Variants in MOB1B observed in about 807,000 individuals in gnomAD.
The protein encoded by MOB1B is MOB kinase activator 1B.
In MOB1B, 19 loss-of-function variants were observed where a neutral mutation model predicts 24.4. That is an observed-to-expected ratio of 0.78 (90% CI 0.54 to 1.14). The LOEUF (loss-of-function observed/expected upper bound fraction) is 1.14, where lower values mean the gene tolerates loss of function less well. MOB1B is among the 50% of genes most tolerant of loss of function. MOB1B has a pLI of 0.00. For missense variants in MOB1B, 243 were observed against 259.6 expected (o/e 0.94, Z 0.44); for synonymous variants, 76 against 82.1 (o/e 0.93, Z 0.40).
intron 3 of MOB1B, among the ~76,000 whole-genome samples, chr4:70,970,840 G>C (rs1578399270): frequency 1.3e-5 from 2 of 152,312 alleles, no homozygotes; most frequent in South Asian, 4.1e-4. Context: ...ACCATATGAA[G>C]AGGTAAAAGA....
chr4:70,966,084 T>C (rs1286372579), intron 2 of MOB1B, among the ~76,000 whole-genome samples: 1 of 152,184 alleles, frequency 6.6e-6, no homozygotes, highest in Non-Finnish European at 1.5e-5. Flanking sequence ...TTATGAGTTC[T>C]ACATGAACAT....
intron 1 of MOB1B, among the ~76,000 whole-genome samples, chr4:70,944,181 C>T (rs1233311843): frequency 1.3e-5 from 2 of 152,080 alleles, no homozygotes; most frequent in Non-Finnish European, 2.9e-5. Context: ...ATTATAGGCA[C>T]ATGCCACCAT....
intron 1 of MOB1B, among the ~76,000 whole-genome samples, chr4:70,925,342 T>G (rs1736606291): frequency 6.6e-6 from 1 of 152,196 alleles, no homozygotes; most frequent in African/African-American, 2.4e-5. Context: ...TGGTGAGCTT[T>G]ATTGATTTTA....
rs931289330 is a variant in MOB1B, at chr4:70,902,465, C to T, written c.-72C>T. On this transcript the variant is annotated 5_prime_UTR_variant, in exon 1 of 6. Coordinates refer to ENST00000309395, the MANE Select transcript of MOB1B (RefSeq NM_173468.4). Reference sequence around the variant, plus strand: ...CCTGTCTCCTGTTCCATTCGCCTTTCCTCTTCTTTCCTGGCCCACGCCGCT... The same window carrying T: ...CCTGTCTCCTGTTCCATTCGCCTTTTCTCTTCTTTCCTGGCCCACGCCGCT... The T allele has an allele frequency of 7.9e-6, 12 of 1,515,066 alleles. No homozygotes were observed. The highest frequency in any genetic ancestry group is 2.4e-5 in the South Asian group (2 of 83,456). 93.9% of individuals were successfully genotyped at this position (1,515,066 alleles called of 1,614,324 possible). A position where few individuals can be genotyped will look rare whatever the true frequency, so the allele number is the denominator to read the frequency against.
At chr4:70,953,488 G>A (rs530923218) in intron 1 of MOB1B, among the ~76,000 whole-genome samples, 1 of 152,274 alleles carries the variant, frequency 6.6e-6, no homozygotes, top group African/African-American at 2.4e-5. Flanking sequence ...AATGAGGAAC[G>A]GAGAAGAGAG....
chr4:70,932,090 G>T (rs1736910773), intron 1 of MOB1B, among the ~76,000 whole-genome samples: 1 of 152,112 alleles, frequency 6.6e-6, no homozygotes, highest in African/African-American at 2.4e-5. Context: ...TATAACTCAA[G>T]CCTGTATCTG....
chr4:70,949,031 C>T (rs533809256), intron 1 of MOB1B, among the ~76,000 whole-genome samples: 3 of 152,266 alleles, frequency 2.0e-5, no homozygotes, highest in African/African-American at 2.4e-5. Context: ...GGTCCTCTCC[C>T]GTAGTCTAGA....
At chr4:70,906,848 T>C (rs1231798199) in intron 1 of MOB1B, among the ~76,000 whole-genome samples, 1 of 152,208 alleles carries the variant, frequency 6.6e-6, no homozygotes, top group Non-Finnish European at 1.5e-5. Flanking sequence ...TAGCACCTGC[T>C]GTGTGCCAGG....
intron 1 of MOB1B, among the ~76,000 whole-genome samples, chr4:70,907,159 A>G (rs1208120867): frequency 6.6e-6 from 1 of 152,184 alleles, no homozygotes; most frequent in African/African-American, 2.4e-5. Context: ...GCAGGGGTCT[A>G]TTAGTAACAT....
chr4:70,954,620 T>C (rs938352231), intron 1 of MOB1B, among the ~76,000 whole-genome samples: 1 of 151,598 alleles, frequency 6.6e-6, no homozygotes, highest in African/African-American at 2.4e-5. Flanking sequence ...CATGCCCAGC[T>C]AATTATTACG....
At chr4:70,908,057 G>A (rs1373599333) in intron 1 of MOB1B, among the ~76,000 whole-genome samples, 5 of 148,386 alleles carry the variant, frequency 3.4e-5, no homozygotes, top group African/African-American at 1.2e-4. Flanking sequence ...ATGGAGTCTC[G>A]CTTTTTCGCC....
chr4:70,945,564 A>G (rs1052076099), intron 1 of MOB1B, among the ~76,000 whole-genome samples: 5 of 152,216 alleles, frequency 3.3e-5, no homozygotes, highest in Admixed American at 3.3e-4. Context: ...ATAAATTTTG[A>G]CAAATGTCTA....
intron 1 of MOB1B, among the ~76,000 whole-genome samples, chr4:70,918,590 G>A (rs1438421815): frequency 6.6e-6 from 1 of 151,524 alleles, no homozygotes; most frequent in African/African-American, 2.4e-5. Context: ...CTGGATATTA[G>A]CCCTTTGTCA....
At chr4:70,928,258 A>AT (rs945496959) in intron 1 of MOB1B, among the ~76,000 whole-genome samples, 2 of 148,302 alleles carry the variant, frequency 1.3e-5, no homozygotes, top group African/African-American at 2.5e-5. Flanking sequence ...CTTAGTAACA[A>AT]TTTTTTTTCC....
At chr4:70,967,752 T>A (rs922360400) in intron 2 of MOB1B, among the ~76,000 whole-genome samples, 2 of 152,056 alleles carry the variant, frequency 1.3e-5, no homozygotes, top group Admixed American at 1.3e-4. Flanking sequence ...ATCAAAAATA[T>A]CAACCTAGGA....
intron 3 of MOB1B, among the ~76,000 whole-genome samples, chr4:70,973,238 G>T (rs1738839013): frequency 6.6e-6 from 1 of 152,036 alleles, no homozygotes; most frequent in Non-Finnish European, 1.5e-5. Flanking sequence ...ATGAAAACTT[G>T]ATTGTGAGGG....
chr4:70,934,455 A>AT lies in MOB1B; in HGVS notation c.15-24409dup, dbSNP rs897057249. 1.6e-4 allele frequency among the ~76,000 whole-genome samples: 22 copies of AT among 141,296 alleles called. No individual in the cohort carries two copies. In the South Asian group the frequency reaches 2.7e-3, roughly 17 times the overall value. 92.7% of individuals were successfully genotyped at this position (141,296 alleles called of 152,430 possible). ...CAGTTGAGCCAAGTACTGGAATATA[A>AT]TTTTTTTTTTCTTTTGAGACCGAGT... On this transcript the variant is annotated intron_variant, in intron 1 of 5. Transcript: ENST00000309395.
chr4:70,905,415 AT>A (rs879496900), intron 1 of MOB1B, among the ~76,000 whole-genome samples: 34 of 144,916 alleles, frequency 2.3e-4, no homozygotes, highest in East Asian at 4.0e-4. Flanking sequence ...TGCCTAGCTA[AT>A]TTTTTTTTTT....
intron 1 of MOB1B, among the ~76,000 whole-genome samples, chr4:70,923,268 C>G (rs941773332): frequency 1.3e-5 from 2 of 152,164 alleles, no homozygotes; most frequent in African/African-American, 2.4e-5. Context: ...AGAGCATCCT[C>G]TTTGGGGAGG....
Sources: gnomAD v4.1 joint callset for allele counts (sites outside exome capture counted in the v4.1 genomes callset) on GRCh38, gnomAD v4.1.1 for gene constraint, MANE v1.5 for transcripts, NCBI Gene and HGNC (gene_info 2026-07-23, HGNC 2026-07-21) for gene names.